NFIC: variants seen among roughly 807,000 people sequenced by gnomAD.
NFIC encodes nuclear factor 1 C-type.
In NFIC, 12 loss-of-function variants were observed where a neutral mutation model predicts 54.4. The ratio of observed to expected loss-of-function variants is 0.22; its 90% CI spans 0.14 to 0.36. NFIC has a LOEUF of 0.36. Ranked by LOEUF, NFIC falls within the 10% of genes least tolerant of loss-of-function variation. The pLI is 1.00. For synonymous variants in NFIC, 322 were observed against 319.2 expected (o/e 1.01, Z -0.09); for missense variants, 575 against 718.2 (o/e 0.80, Z 2.28).
chr19:3,413,730 G>A (rs376056822), intron 2 of NFIC, among the ~76,000 whole-genome samples: 3 of 152,082 alleles, frequency 2.0e-5, no homozygotes, highest in South Asian at 2.1e-4. Context: ...GCCATCCCCC[G>A]GGTTCAAGCA....
intron 1 of NFIC, among the ~76,000 whole-genome samples, chr19:3,367,559 C>T (rs2080918687): frequency 6.6e-6 from 1 of 152,094 alleles, no homozygotes; most frequent in Non-Finnish European, 1.5e-5. Flanking sequence ...TGTGCAATGG[C>T]CGAGGGGGTG....
intron 3 of NFIC, among the ~76,000 whole-genome samples, chr19:3,428,171 CA>C (rs71164700): frequency 0.55 from 66,792 of 121,932 alleles, 17,196 homozygotes; most frequent in Middle Eastern, 0.64. Flanking sequence ...AACTCCGTCT[CA>C]AAAAAAAAAA....
chr19:3,368,616 C>T (rs529857004), intron 1 of NFIC, among the ~76,000 whole-genome samples: 7 of 152,304 alleles, frequency 4.6e-5, no homozygotes, highest in Admixed American at 3.9e-4. Context: ...TCCTCCCCTG[C>T]GATTCTCCTC....
In NFIC at chr19:3,469,156, ACAAAAAAAAAAG is replaced by A. The variant is rs2082756440; in HGVS notation, c.*6388_*6399del. The A allele has an allele frequency of 2.6e-5, 1 of 37,970 alleles. No homozygotes were observed. Among genetic ancestry groups the A allele is most frequent in the Non-Finnish European group, 4.6e-5 (1 of 21,816 alleles). 2.4% of individuals were successfully genotyped at this position (37,970 alleles called of 1,614,324 possible). ...CCATAAAAGATTCAATAAAAGACAA[ACAAAAAAAAAAG>A]AAAAAAGAAAAAAATGTATAAAAAT... On this transcript the variant is annotated 3_prime_UTR_variant, in exon 11 of 11. Coordinates refer to ENST00000443272, the MANE Select transcript of NFIC (RefSeq NM_001245002.2).
intron 2 of NFIC, among the ~76,000 whole-genome samples, chr19:3,416,419 A>G (rs1460755789): frequency 6.6e-6 from 1 of 150,498 alleles, no homozygotes; most frequent in Non-Finnish European, 1.5e-5. Context: ...AATATGCCAT[A>G]TAGGTATATA....
At chr19:3,431,399 T>G (rs1179847292) in intron 3 of NFIC, among the ~76,000 whole-genome samples, 1 of 141,686 alleles carries the variant, frequency 7.1e-6, no homozygotes, top group East Asian at 2.1e-4. Context: ...GACAGGGTCT[T>G]GCTCTGTCCC....
At chr19:3,421,997 C>T (rs2081960027) in intron 2 of NFIC, among the ~76,000 whole-genome samples, 2 of 152,052 alleles carry the variant, frequency 1.3e-5, no homozygotes, top group South Asian at 4.1e-4. Context: ...GCAATAATGG[C>T]GCGATCTTGG....
intron 2 of NFIC, among the ~76,000 whole-genome samples, chr19:3,423,121 C>T (rs915497466): frequency 1.3e-5 from 2 of 152,040 alleles, no homozygotes; most frequent in Non-Finnish European, 2.9e-5. Context: ...TCACTTGAAC[C>T]CGAGAGGTGG....
Position 3,467,788 on chromosome 19 carries a change from T to TATATATATATATATATAA in NFIC, c.*5020_*5021insTATATATATATATATAAA, listed in dbSNP as rs566623409. 2.9e-5 allele frequency: 4 copies of TATATATATATATATATAA among 136,802 alleles called. No homozygotes were observed. The highest frequency in any genetic ancestry group is 5.7e-5 in the African/African-American group (2 of 35,366). 8.5% of individuals were successfully genotyped at this position (136,802 alleles called of 1,614,324 possible). Reference sequence around the variant, plus strand: ...ATATATATATATATATATATATATATAATTTTGGAATTTGTTTCTCATAAT... The same window carrying TATATATATATATATATAA: ...ATATATATATATATATATATATATATATATATATATATATATAAAATTTTGGAATTTGTTTCTCATAAT... On this transcript the variant is annotated 3_prime_UTR_variant, in exon 11 of 11. Coordinates refer to ENST00000443272, the MANE Select transcript of NFIC (RefSeq NM_001245002.2).
At chr19:3,368,389 T>C (rs962119356) in intron 1 of NFIC, among the ~76,000 whole-genome samples, 4 of 151,994 alleles carry the variant, frequency 2.6e-5, no homozygotes, top group African/African-American at 7.3e-5. Flanking sequence ...CCTCAGAGAA[T>C]TGCTAACTCG....
chr19:3,397,054 G>C (rs147818195), intron 2 of NFIC, among the ~76,000 whole-genome samples: 9 of 152,248 alleles, frequency 5.9e-5, no homozygotes, highest in African/African-American at 2.2e-4. Context: ...GGTGCATTGT[G>C]GGGGGATTGC....
Position 3,452,806 on chromosome 19 carries a change from TG to T in NFIC, c.1269+143del. 2.8e-6 allele frequency: 3 copies of T among 1,061,264 alleles called. No individual in the cohort carries two copies. The South Asian group carries it at 4.7e-5, about 17-fold the overall frequency. The allele number at this position is 1,061,264 out of a possible 1,614,324, so 65.7% of individuals were successfully genotyped here. ...TCTGAAGTCCCCTCCTCTGTCGTGC[TG>T]GGAGGCAGCTGGATTGGGTCAGAAT... On this transcript the variant is annotated intron_variant, in intron 8 of 10. Coordinates refer to ENST00000443272, the MANE Select transcript of NFIC (RefSeq NM_001245002.2). The surrounding 1 kb of genome is among the most constrained non-coding windows in gnomAD (Gnocchi z 5.3).
chr19:3,366,877 C>G (rs1286492623), intron 1 of NFIC, among the ~76,000 whole-genome samples: 47 of 152,058 alleles, frequency 3.1e-4, no homozygotes, highest in Non-Finnish European at 1.5e-5. Context: ...CGCGGACCCC[C>G]TACGCGGGAC....
intron 2 of NFIC, among the ~76,000 whole-genome samples, chr19:3,420,524 A>G (rs1051877283): frequency 6.7e-6 from 1 of 150,242 alleles, no homozygotes; most frequent in African/African-American, 2.5e-5. Context: ...AGTCCTGGCA[A>G]CAAGAGAACA....
chr19:3,421,508 C>T (rs1451433976), intron 2 of NFIC, among the ~76,000 whole-genome samples: 1 of 152,250 alleles, frequency 6.6e-6, no homozygotes, highest in Non-Finnish European at 1.5e-5. Context: ...GCACACTCCC[C>T]TCGGCTGCTG....
rs893193104 is a variant in NFIC at position 3,393,585 on chromosome 19, A to C, written c.562+11342A>C. Among the ~76,000 whole-genome samples the C allele has an allele frequency of 1.4e-4, 21 of 151,554 alleles. No homozygotes were observed. In the South Asian group the frequency reaches 3.4e-3, roughly 24 times the overall value. On this transcript the variant is annotated intron_variant, in intron 2 of 10. Transcript: ENST00000443272. ...ATCCCAGCACTTTGGGAGACCGAGG[A>C]GGGCAGATCACTTGAGGTCAGGATT...
chr19:3,380,309 CTTTTTTTTTT>C (rs529220524), intron 1 of NFIC, among the ~76,000 whole-genome samples: 4 of 65,148 alleles, frequency 6.1e-5, no homozygotes, highest in African/African-American at 7.1e-5. Context: ...CAGCCTTGTT[CTTTTTTTTTT>C]TTTTTTTTTT....
chr19:3,450,580 G>A (rs144172839), intron 7 of NFIC, among the ~76,000 whole-genome samples: 83 of 151,738 alleles, frequency 5.5e-4, no homozygotes, highest in African/African-American at 1.6e-3. Context: ...TCTTGAACCC[G>A]GGAGGCGGAG....
At position 3,381,395 on chromosome 19, in the gene NFIC, CAA is replaced by C. The variant is rs71164686; in HGVS notation, c.31-298_31-297del. On this transcript the variant is annotated intron_variant, in intron 1 of 10. Transcript: ENST00000443272. ...TAGCGTTAAGAGCAAGACTCCGTCT[CAA>C]AAAAAAAAAAAAAAAAAATGATCCT... Among the ~76,000 whole-genome samples the C allele has an allele frequency of 6.3e-3, 640 of 100,862 alleles. 4 individuals are homozygous for C. The highest frequency in any genetic ancestry group is 0.025 in the South Asian group (84 of 3,314). The allele number at this position is 100,862 out of a possible 152,430, so 66.2% of individuals were successfully genotyped here. A position where few individuals can be genotyped will look rare whatever the true frequency, so the allele number is the denominator to read the frequency against.
Sources: allele counts gnomAD v4.1 joint callset (sites outside exome capture counted in the v4.1 genomes callset), GRCh38; gene constraint gnomAD v4.1.1; non-coding constraint Gnocchi (gnomAD v3.1); transcripts MANE v1.5; gene names NCBI Gene and HGNC (gene_info 2026-07-23, HGNC 2026-07-21).